The following ERG variants were observed in gnomAD, a reference collection of about 807,000 sequenced individuals.
ERG encodes the protein transcriptional regulator ERG.
Under a neutral mutation model 55.3 loss-of-function variants are expected in ERG, and 9 were observed. The observed-to-expected ratio is 0.16, with a 90% CI of 0.10 to 0.28. The LOEUF (loss-of-function observed/expected upper bound fraction) is 0.28, where lower values mean the gene tolerates loss of function less well. Among genes scored for constraint, ERG ranks in the 10% least tolerant of loss-of-function variants. The probability of loss-of-function intolerance (pLI) is 1.00; values close to 1 mark genes in which losing one functional copy is unlikely to be tolerated. For missense variants in ERG, 434 were observed against 631.6 expected, an observed-to-expected ratio of 0.69 and a Z score of 3.35; for synonymous variants, 223 against 237.3, an observed-to-expected ratio of 0.94 and a Z score of 0.55.
At position 38,490,458 on chromosome 21, in the gene ERG, C is replaced by G. The variant is rs375453880; in HGVS notation, c.18+7905G>C. Among the ~76,000 whole-genome samples, 42 of 152,292 alleles carry G rather than the reference C, an allele frequency of 2.8e-4. 1 individual carries two copies. In the East Asian group the frequency reaches 6.4e-3, roughly 23 times the overall value. ...GGAACTATCACTCTACCCATTTCAC[C>G]GATGGAAAAGCCTATCTCCTGTGAG... On this transcript the variant is annotated intron_variant, in intron 1 of 9. Transcript: ENST00000288319.
At chr21:38,614,536 G>T (rs2060247734) in intron 1 of ERG, among the ~76,000 whole-genome samples, 1 of 152,186 alleles carries the variant, frequency 6.6e-6, no homozygotes, top group African/African-American at 2.4e-5. Flanking sequence ...GCAGGCAGTG[G>T]CTAGAAGGCG....
chr21:38,509,500 C>T (rs572529979), intron 2 of ERG, among the ~76,000 whole-genome samples: 1 of 152,278 alleles, frequency 6.6e-6, no homozygotes, highest in African/African-American at 2.4e-5. Flanking sequence ...CCTTCCTATT[C>T]TTTTCCACCC....
chr21:38,440,839 C>T (rs1013343244), intron 2 of ERG, among the ~76,000 whole-genome samples: 3 of 149,550 alleles, frequency 2.0e-5, no homozygotes, highest in Non-Finnish European at 3.0e-5. Flanking sequence ...GCAAAGCCTG[C>T]GGATGGGATC....
Position 38,383,939 on chromosome 21 carries a change from G to A in ERG, c.920-16C>T, listed in dbSNP as rs1390022151. 1 of 1,602,126 alleles carries A rather than the reference G, an allele frequency of 6.2e-7. No homozygotes were observed. The highest frequency in any genetic ancestry group is 1.1e-5 in the South Asian group (1 of 90,344). The stretch of plus-strand genomic sequence containing the variant: ...TGGCCACTGCCTAATGAGGTCAGGA[G>A]AGGAAGGAAAACTCCAGTGAGCACA... On this transcript the variant is annotated splice_polypyrimidine_tract_variant and intron_variant, in intron 9 of 9. Coordinates refer to ENST00000288319, the MANE Select transcript of ERG (RefSeq NM_182918.4). This position sits in a 1 kb window ranked among gnomAD's most constrained non-coding sequence, Gnocchi z 5.7.
intron 1 of ERG, among the ~76,000 whole-genome samples, chr21:38,579,235 T>C (rs914879351): frequency 2.0e-5 from 3 of 152,198 alleles, no homozygotes; most frequent in Non-Finnish European, 2.9e-5. Flanking sequence ...ACTCGGTCTG[T>C]AACCAACCAA....
intron 2 of ERG, among the ~76,000 whole-genome samples, chr21:38,562,514 C>A (rs2059898968): frequency 6.6e-6 from 1 of 152,190 alleles, no homozygotes; most frequent in Non-Finnish European, 1.5e-5. Flanking sequence ...GAACTAGGAT[C>A]TGCTCTTAGC....
At chr21:38,573,666 C>A (rs1477334382) in intron 2 of ERG, among the ~76,000 whole-genome samples, 1 of 152,238 alleles carries the variant, frequency 6.6e-6, no homozygotes, top group African/African-American at 2.4e-5. Flanking sequence ...TCTCCTACTA[C>A]ATTCCTTTTT....
Position 38,388,866 on chromosome 21 carries a change from T to C in ERG, c.919+2129A>G, listed in dbSNP as rs150452228. 9.2e-5 allele frequency among the ~76,000 whole-genome samples: 14 copies of C among 152,312 alleles called. No individual in the cohort carries two copies. The East Asian group carries it at 2.7e-3, about 29-fold the overall frequency. ...GCTGCTGGGCCCAGGGCATATGCAG[T>C]GTTCCCTTGTGAAAGCTGGCACTTT... On this transcript the variant is annotated intron_variant, in intron 9 of 9. Transcript: ENST00000288319.
chr21:38,493,982 G>C (rs796140012), intron 1 of ERG, among the ~76,000 whole-genome samples: 2 of 152,056 alleles, frequency 1.3e-5, no homozygotes, highest in Non-Finnish European at 2.9e-5. Context: ...TTACATCCGC[G>C]GGGGGGCGTC....
At chr21:38,449,339 A>G (rs1035450288) in intron 1 of ERG, among the ~76,000 whole-genome samples, 1 of 152,222 alleles carries the variant, frequency 6.6e-6, no homozygotes, top group African/African-American at 2.4e-5. Flanking sequence ...TAAATAACTT[A>G]CGAGAAACAC....
At chr21:38,513,277 T>C (rs1229762626) in intron 2 of ERG, among the ~76,000 whole-genome samples, 3 of 151,942 alleles carry the variant, frequency 2.0e-5, no homozygotes, top group Non-Finnish European at 2.9e-5. Flanking sequence ...GTTAGTAAGA[T>C]AACAAGTGAA....
intron 2 of ERG, among the ~76,000 whole-genome samples, chr21:38,541,622 T>C (rs1396629690): frequency 1.3e-5 from 2 of 152,238 alleles, no homozygotes; most frequent in East Asian, 1.9e-4. Flanking sequence ...TTGTGAGTGA[T>C]TTATGCTAAA....
chr21:38,477,881 G>GA (rs2059203595), intron 1 of ERG, among the ~76,000 whole-genome samples: 1 of 151,974 alleles, frequency 6.6e-6, no homozygotes, highest in Admixed American at 6.5e-5. Context: ...TAAATAGAAA[G>GA]AAAAAAGGAA....
intron 2 of ERG, among the ~76,000 whole-genome samples, chr21:38,516,932 G>T (rs2059556545): frequency 6.6e-6 from 1 of 152,028 alleles, no homozygotes; most frequent in African/African-American, 2.4e-5. Flanking sequence ...AATAAAACTG[G>T]ACCTCTATCT....
intron 1 of ERG, among the ~76,000 whole-genome samples, chr21:38,624,948 T>G (rs564655641): frequency 3.0e-4 from 45 of 152,236 alleles, no homozygotes; most frequent in African/African-American, 1.0e-3. Context: ...ACATAGAAAA[T>G]TTTTTGTTCA....
chr21:38,633,468 A>T (rs1213271694), intron 1 of ERG, among the ~76,000 whole-genome samples: 2 of 152,242 alleles, frequency 1.3e-5, no homozygotes, highest in African/African-American at 4.8e-5. Context: ...TCATGTGTGT[A>T]AAGCATACAA....
In ERG at chr21:38,577,128, C is replaced by T. The variant is rs373938228; in HGVS notation, c.-126-1381G>A. Among the ~76,000 whole-genome samples the T allele has an allele frequency of 7.6e-4, 116 of 152,306 alleles. 1 individual carries two copies. The highest frequency in any genetic ancestry group is 2.7e-3 in the African/African-American group (112 of 41,556). ...AACAATATGATTACAGAACTTGAGA[C>T]ATTTTCGAAGGCTGTCTTTCAAATT... On this transcript the variant is annotated intron_variant, in intron 1 of 8. Transcript: ENST00000398897.
chr21:38,417,751 T>TGCACTCCAGCCTGG (rs1989343829), intron 3 of ERG, among the ~76,000 whole-genome samples: 1 of 152,012 alleles, frequency 6.6e-6, no homozygotes, highest in South Asian at 2.1e-4. Flanking sequence ...ACCGCGCCAT[T>TGCACTCCAGCCTGG]GCACTCCAGC....
intron 1 of ERG, among the ~76,000 whole-genome samples, chr21:38,597,457 A>G (rs2060138008): frequency 7.8e-6 from 1 of 127,440 alleles, no homozygotes; most frequent in Admixed American, 8.5e-5. Context: ...ATATAGAGAG[A>G]TATCTATATA....
Sources: gnomAD v4.1 joint callset for allele counts (sites outside exome capture counted in the v4.1 genomes callset) on GRCh38, gnomAD v4.1.1 for gene constraint, Gnocchi (gnomAD v3.1) non-coding constraint, MANE v1.5 for transcripts, NCBI Gene and HGNC (gene_info 2026-07-23, HGNC 2026-07-21) for gene names.